Variants in EDARADD observed in about 807,000 individuals in gnomAD.
EDARADD encodes the protein ectodysplasin-A receptor-associated adapter protein.
EDARADD carries 20 observed loss-of-function variants against 25.6 expected under a neutral mutation model. The ratio of observed to expected loss-of-function variants is 0.78; its 90% confidence interval spans 0.55 to 1.14. The LOEUF is 1.14. Among genes scored for constraint, EDARADD ranks in the 50% most tolerant of loss-of-function variants. The pLI, the probability that EDARADD is intolerant of heterozygous loss-of-function variation, is 0.00. For synonymous variants in EDARADD, 86 were observed against 94.4 expected (o/e 0.91, Z 0.52); for missense variants, 225 against 270.1 (o/e 0.83, Z 1.17).
chr1:236,361,286 G>T (rs1054606458), intron 3 of EDARADD, among the ~76,000 whole-genome samples: 2 of 148,948 alleles, frequency 1.3e-5, no homozygotes, highest in Non-Finnish European at 3.0e-5. Flanking sequence ...TCAATTCCTT[G>T]GTTTTGTTTT....
chr1:236,395,749 G>C lies in EDARADD; in HGVS notation c.61+1244G>C, dbSNP rs115678841. ...CGCTCGCAGCAGCCGCAGGGCTATC[G>C]AGGCCGGGCCTCGGCGACCCCCGAG... On this transcript the variant is annotated intron_variant, in intron 1 of 5. Transcript: ENST00000334232. This position sits in a 1 kb window ranked among gnomAD's most constrained non-coding sequence, Gnocchi z 6.9. 4.0e-6 allele frequency: 6 copies of C among 1,484,628 alleles called. No individual in the cohort carries two copies. The highest frequency in any genetic ancestry group is 5.5e-5 in the East Asian group (2 of 36,230). The allele number at this position is 1,484,628 out of a possible 1,614,324, so 92.0% of individuals were successfully genotyped here. A position where few individuals can be genotyped will look rare whatever the true frequency, so the allele number is the denominator to read the frequency against.
intron 3 of EDARADD, among the ~76,000 whole-genome samples, chr1:236,373,874 T>G (rs916138243): frequency 1.3e-5 from 2 of 152,256 alleles, no homozygotes; most frequent in African/African-American, 2.4e-5. Flanking sequence ...TTCATTTAGT[T>G]CAAAGTATTT....
chr1:236,410,257 C>T (rs12022489), intron 2 of EDARADD, among the ~76,000 whole-genome samples: 1 of 152,038 alleles, frequency 6.6e-6, no homozygotes, highest in Admixed American at 6.6e-5. Flanking sequence ...ACCCTCCCCC[C>T]TTTTGGAGTC....
chr1:236,412,410 A>G (rs904664865), intron 2 of EDARADD, among the ~76,000 whole-genome samples: 2 of 152,104 alleles, frequency 1.3e-5, no homozygotes, highest in Non-Finnish European at 2.9e-5. Flanking sequence ...ATCTTCCCTC[A>G]TGCAAAGTCA....
At position 236,408,143 on chromosome 1, in the gene EDARADD, A is replaced by G. The variant is rs188304755; in HGVS notation, c.62-1073A>G. On this transcript the variant is annotated intron_variant, in intron 1 of 5. Coordinates refer to ENST00000334232, the MANE Select transcript of EDARADD (RefSeq NM_145861.4). ...ACTCTGGGTATTTGAAGATATTTAT[A>G]GGTAACCTGTTCCAAAATATGGTGG... is the stretch of plus-strand genomic sequence containing the variant. Among the ~76,000 whole-genome samples, 176 of 152,316 alleles carry G rather than the reference A, an allele frequency of 1.2e-3. 2 individuals are homozygous for G. Among genetic ancestry groups the G allele is most frequent in the Non-Finnish European group, 2.1e-4 (14 of 68,030 alleles).
At chr1:236,360,674 C>A (rs1228410277) in intron 3 of EDARADD, among the ~76,000 whole-genome samples, 1 of 151,476 alleles carries the variant, frequency 6.6e-6, no homozygotes, top group African/African-American at 2.4e-5. Context: ...GCCTCTCAAG[C>A]AGCTGGGACC....
At chr1:236,440,435 A>C (rs78991022) in intron 4 of EDARADD, among the ~76,000 whole-genome samples, 7,816 of 152,260 alleles carry the variant, frequency 0.051, 577 homozygotes, top group African/African-American at 0.16. Context: ...TTGGGATTGC[A>C]TTTAATCTAT....
intron 4 of EDARADD, among the ~76,000 whole-genome samples, chr1:236,438,106 A>C (rs1487285851): frequency 1.1e-5 from 1 of 88,776 alleles, no homozygotes; most frequent in Non-Finnish European, 2.7e-5. Flanking sequence ...GTTTCTTCAC[A>C]TAGTTTTCCC....
At chr1:236,454,413 T>C (rs1658800614) in intron 4 of EDARADD, among the ~76,000 whole-genome samples, 1 of 152,124 alleles carries the variant, frequency 6.6e-6, no homozygotes, top group African/African-American at 2.4e-5. Flanking sequence ...GCCTGCACCT[T>C]CCTTTTAGAG....
chr1:236,434,399 A>C (rs1295935156), intron 4 of EDARADD, among the ~76,000 whole-genome samples: 1 of 152,006 alleles, frequency 6.6e-6, no homozygotes, highest in African/African-American at 2.4e-5. Flanking sequence ...CACCACACCC[A>C]GCTAAACTTT....
At chr1:236,477,359 C>CA (rs1659537897) in intron 5 of EDARADD, among the ~76,000 whole-genome samples, 1 of 151,808 alleles carries the variant, frequency 6.6e-6, no homozygotes, top group African/African-American at 2.4e-5. Flanking sequence ...ACTAAAAATA[C>CA]AAAAAATTAC....
intron 4 of EDARADD, among the ~76,000 whole-genome samples, chr1:236,458,071 G>A (rs1256668187): frequency 6.6e-6 from 1 of 152,210 alleles, no homozygotes; most frequent in African/African-American, 2.4e-5. Context: ...TGGTGTGGGT[G>A]TCAGGGTGCA....
rs553819658 is a variant in EDARADD, at chr1:236,458,645, T to C, written c.220-9586T>C. Reference sequence around the variant, plus strand: ...TTTTTGGTATTTTTTCTTTTTCTTTTTTTTTTTTTTTTTTTGAGACGGAGT... The same window carrying C: ...TTTTTGGTATTTTTTCTTTTTCTTTCTTTTTTTTTTTTTTTGAGACGGAGT... On this transcript the variant is annotated intron_variant, in intron 4 of 5. Transcript: ENST00000334232. Among the ~76,000 whole-genome samples, 66 of 144,600 alleles carry C rather than the reference T, an allele frequency of 4.6e-4. 1 individual carries two copies. Among genetic ancestry groups the C allele is most frequent in the Middle Eastern group, 3.5e-3 (1 of 286 alleles). The allele number at this position is 144,600 out of a possible 152,430, so 94.9% of individuals were successfully genotyped here.
rs1301119778 is a variant in EDARADD at position 236,385,425 on chromosome 1, AAAAAAAT to A, written c.-5-23790_-5-23784del. 2.0e-3 allele frequency among the ~76,000 whole-genome samples: 252 copies of A among 124,434 alleles called. 12 individuals are homozygous for A. The highest frequency in any genetic ancestry group is 0.012 in the Middle Eastern group (2 of 170). 81.6% of individuals were successfully genotyped at this position (124,434 alleles called of 152,430 possible). On this transcript the variant is annotated intron_variant, in intron 3 of 7. Coordinates refer to the EDARADD transcript ENST00000439430. Reference sequence around the variant, plus strand: ...CTCCATCTCAAAAAAAAAAAAAAAAAAAAAAATGCTCTTCCAGGCTGGGCATAGTGGC... The same window carrying A: ...CTCCATCTCAAAAAAAAAAAAAAAAAGCTCTTCCAGGCTGGGCATAGTGGC...
intron 2 of EDARADD, among the ~76,000 whole-genome samples, chr1:236,413,757 A>G (rs1312540719): frequency 1.3e-5 from 2 of 152,246 alleles, no homozygotes; most frequent in African/African-American, 4.8e-5. Flanking sequence ...TGAATTCTGC[A>G]TAATTACTGA....
chr1:236,359,293 C>T lies in EDARADD; in HGVS notation c.-6+8454C>T, dbSNP rs968858071. On this transcript the variant is annotated intron_variant, in intron 3 of 7. Coordinates refer to the EDARADD transcript ENST00000439430. Reference sequence around the variant, plus strand: ...ATTAAAAATGTAATTCCCAATGCAACAATCTTAGGAATTGGAATGTTTAGG... The same window carrying T: ...ATTAAAAATGTAATTCCCAATGCAATAATCTTAGGAATTGGAATGTTTAGG... 3.9e-5 allele frequency among the ~76,000 whole-genome samples: 6 copies of T among 152,302 alleles called. 1 individual carries two copies. Among genetic ancestry groups the T allele is most frequent in the African/African-American group, 1.2e-4 (5 of 41,568 alleles).
chr1:236,375,771 C>A (rs1049419046), intron 3 of EDARADD, among the ~76,000 whole-genome samples: 1 of 151,722 alleles, frequency 6.6e-6, no homozygotes, highest in Non-Finnish European at 1.5e-5. Context: ...CCTGTAGTCC[C>A]AGCTACTTGG....
At chr1:236,462,513 C>T (rs1351902342) in intron 4 of EDARADD, among the ~76,000 whole-genome samples, 1 of 152,052 alleles carries the variant, frequency 6.6e-6, no homozygotes, top group Non-Finnish European at 1.5e-5. Context: ...TCAGTCCATT[C>T]CCCCGTGGGC....
At chr1:236,444,459 T>C (rs1455961853) in intron 4 of EDARADD, among the ~76,000 whole-genome samples, 1 of 152,176 alleles carries the variant, frequency 6.6e-6, no homozygotes, top group African/African-American at 2.4e-5. Context: ...TTCACTTTTG[T>C]TGCCCAGGGT....
Sources: allele counts gnomAD v4.1 joint callset (sites outside exome capture counted in the v4.1 genomes callset), GRCh38; gene constraint gnomAD v4.1.1; non-coding constraint Gnocchi (gnomAD v3.1); transcripts MANE v1.5; gene names NCBI Gene and HGNC (gene_info 2026-07-23, HGNC 2026-07-21).